MALRD1: variants seen among roughly 807,000 people sequenced by gnomAD.
MALRD1 encodes MAM and LDL receptor class A domain containing 1.
Under a neutral mutation model 242.1 loss-of-function variants are expected in MALRD1, and 247 were observed. The observed-to-expected ratio is 1.02, with a 90% confidence interval of 0.92 to 1.13. The LOEUF is 1.13. MALRD1 is among the 50% of genes most tolerant of loss of function. The pLI, the probability that MALRD1 is intolerant of heterozygous loss-of-function variation, is 0.00. For synonymous variants in MALRD1, 995 were observed against 866.6 expected, an observed-to-expected ratio of 1.15 and a Z score of -2.60; for missense variants, 2,989 against 2,533.1, an observed-to-expected ratio of 1.18 and a Z score of -3.86.
At chr10:19,583,650 A>C (rs1360349649) in intron 33 of MALRD1, among the ~76,000 whole-genome samples, 3 of 152,110 alleles carry the variant, frequency 2.0e-5, no homozygotes, top group Non-Finnish European at 4.4e-5. Context: ...GGATTTTTGC[A>C]TCAATGTTCA....
intron 29 of MALRD1, chr10:19,489,156 G>T: frequency 2.1e-6 from 1 of 469,300 alleles, no homozygotes; most frequent in Non-Finnish European, 4.4e-6. Context: ...CCTAACAGGA[G>T]GTCAGCGCTG....
At chr10:19,688,972 C>G (rs1354537663) in intron 36 of MALRD1, among the ~76,000 whole-genome samples, 5 of 152,160 alleles carry the variant, frequency 3.3e-5, no homozygotes, top group Non-Finnish European at 5.9e-5. Context: ...CCCCCTCCAC[C>G]TTTATACACT....
rs563831401 is a variant in MALRD1 at position 19,677,659 on chromosome 10, C to T, written c.6138-14623C>T. ...GATACTTTCTTTTGCTGTGCAGAAG[C>T]TCTTTAGTATAATTAGATCCCATTT... On this transcript the variant is annotated intron_variant, in intron 36 of 39. Coordinates refer to ENST00000454679, the MANE Select transcript of MALRD1 (RefSeq NM_001142308.3). 7.2e-4 allele frequency among the ~76,000 whole-genome samples: 110 copies of T among 152,246 alleles called. 1 individual carries two copies. The highest frequency in any genetic ancestry group is 2.5e-3 in the African/African-American group (103 of 41,540).
intron 26 of MALRD1, among the ~76,000 whole-genome samples, chr10:19,371,530 G>A (rs551868114): frequency 6.6e-6 from 1 of 151,862 alleles, no homozygotes; most frequent in African/African-American, 2.4e-5. Flanking sequence ...ATATCTAGCT[G>A]TGGGTATTAC....
At chr10:19,537,455 G>A (rs1440628844) in intron 32 of MALRD1, among the ~76,000 whole-genome samples, 1 of 152,016 alleles carries the variant, frequency 6.6e-6, no homozygotes, top group Non-Finnish European at 1.5e-5. Flanking sequence ...GACCTTTTTT[G>A]TGACTTCACA....
At chr10:19,268,086 CTAAA>C (rs1436109649) in intron 19 of MALRD1, among the ~76,000 whole-genome samples, 1 of 152,056 alleles carries the variant, frequency 6.6e-6, no homozygotes, top group African/African-American at 2.4e-5. Flanking sequence ...AGAAGGTTGT[CTAAA>C]TGGTTAGTTC....
intron 28 of MALRD1, among the ~76,000 whole-genome samples, chr10:19,395,648 A>G (rs555649788): frequency 3.1e-4 from 47 of 152,308 alleles, no homozygotes; most frequent in Non-Finnish European, 5.7e-4. Context: ...TCTTTTCACA[A>G]AGGTGTAACC....
chr10:19,505,124 T>G (rs572849536), intron 31 of MALRD1, among the ~76,000 whole-genome samples: 1 of 151,100 alleles, frequency 6.6e-6, no homozygotes, highest in Admixed American at 6.6e-5. Context: ...AGAGGTAGAG[T>G]AGGAGGAAGA....
intron 24 of MALRD1, among the ~76,000 whole-genome samples, chr10:19,346,230 C>T (rs1396631219): frequency 6.6e-6 from 1 of 152,112 alleles, no homozygotes; most frequent in Admixed American, 6.6e-5. Flanking sequence ...TGATTTGATG[C>T]CAAGTGCAAT....
intron 12 of MALRD1, among the ~76,000 whole-genome samples, chr10:19,165,296 G>A (rs1002277031): frequency 1.4e-4 from 16 of 115,476 alleles, no homozygotes; most frequent in Non-Finnish European, 2.1e-4. Flanking sequence ...GTTTTGTTTT[G>A]TTTTGTTTTG....
chr10:19,636,027 A>AGAAGCT (rs60529162), intron 36 of MALRD1, among the ~76,000 whole-genome samples: 2,764 of 151,994 alleles, frequency 0.018, 47 homozygotes, highest in East Asian at 0.035. Context: ...CAGCCTTCCC[A>AGAAGCT]GTAGCTGGGA....
chr10:19,620,504 T>C (rs1839353377), intron 36 of MALRD1, among the ~76,000 whole-genome samples: 2 of 152,108 alleles, frequency 1.3e-5, no homozygotes, highest in African/African-American at 2.4e-5. Flanking sequence ...AAGAGAGTGA[T>C]GTCAGTTTCA....
At chr10:19,577,137 A>C (rs1836871358) in intron 33 of MALRD1, among the ~76,000 whole-genome samples, 1 of 152,104 alleles carries the variant, frequency 6.6e-6, no homozygotes, top group Admixed American at 6.6e-5. Flanking sequence ...TACAAGTGTC[A>C]TTTTTATGAT....
Position 19,491,573 on chromosome 10 carries a change from A to T in MALRD1, c.5086A>T (p.Lys1696Ter), listed in dbSNP as rs1298896269. 1 of 1,550,268 alleles carries T rather than the reference A, an allele frequency of 6.5e-7. No individual in the cohort carries two copies. The highest frequency in any genetic ancestry group is 2.0e-5 in the Admixed American group (1 of 51,006). Residue 1696 changes from lysine (K) to a stop codon, truncating the protein, a stop_gained, in exon 30 of 40, where the codon AAG (lysine) becomes TAG (stop). Coordinates refer to ENST00000454679, the MANE Select transcript of MALRD1 (RefSeq NM_001142308.3). LOFTEE classifies it high-confidence loss of function. ...EITDFLCRDK[K>*]CIASHLLCDY... ...CACTGATTTTTTGTGCCGGGACAAG[A>T]AGTGCATTGCATCCCACCTTCTTTG...
intron 18 of MALRD1, among the ~76,000 whole-genome samples, chr10:19,246,998 A>G (rs1243609332): frequency 2.0e-5 from 3 of 151,986 alleles, no homozygotes; most frequent in Admixed American, 1.3e-4. Context: ...CCCATTATAC[A>G]AATGTGTATA....
intron 8 of MALRD1, among the ~76,000 whole-genome samples, chr10:19,133,090 C>A (rs1315168058): frequency 6.6e-6 from 1 of 152,076 alleles, no homozygotes; most frequent in East Asian, 1.9e-4. Context: ...AGGCACCCAC[C>A]ACCACGCCTG....
intron 11 of MALRD1, among the ~76,000 whole-genome samples, 199 bp downstream of exon 11, chr10:19,146,543 T>C (rs1833732772): frequency 6.6e-6 from 1 of 152,160 alleles, no homozygotes; most frequent in African/African-American, 2.4e-5. Context: ...ATCACCAACA[T>C]GTTTGTTGTT....
chr10:19,473,022 C>T (rs1288496410), intron 29 of MALRD1, among the ~76,000 whole-genome samples: 1 of 150,526 alleles, frequency 6.6e-6, no homozygotes, highest in Non-Finnish European at 1.5e-5. Context: ...ATTCCAATGA[C>T]AATATTCCAC....
chr10:19,518,974 T>C (rs1326481252), intron 31 of MALRD1, among the ~76,000 whole-genome samples: 2 of 152,224 alleles, frequency 1.3e-5, no homozygotes, highest in Non-Finnish European at 2.9e-5. Flanking sequence ...GTTTGGTGTA[T>C]GTAATGCAGG....
Sources: gnomAD v4.1 joint callset for allele counts (sites outside exome capture counted in the v4.1 genomes callset) on GRCh38, gnomAD v4.1.1 for gene constraint, MANE v1.5 for transcripts, NCBI Gene and HGNC (gene_info 2026-07-23, HGNC 2026-07-21) for gene names.